SLURP1: variants seen among roughly 807,000 people sequenced by gnomAD.
SLURP1 encodes secreted Ly-6/uPAR-related protein 1.
SLURP1 carries 2 observed loss-of-function variants against 7.9 expected under a neutral mutation model. That is an observed-to-expected ratio of 0.25 (90% CI 0.10 to 0.79). SLURP1 has a LOEUF of 0.79. Among genes scored for constraint, SLURP1 ranks in the 30% least tolerant of loss-of-function variants. The pLI, the probability that SLURP1 is intolerant of heterozygous loss-of-function variation, is 0.69. For missense variants in SLURP1, 111 were observed against 139.8 expected (o/e 0.79, Z 1.04); for synonymous variants, 59 against 54.9 (o/e 1.07, Z -0.33).
Position 142,741,712 on chromosome 8 carries a change from G to A in SLURP1, c.178+91C>T. On this transcript the variant is annotated intron_variant, in intron 2 of 2. Transcript: ENST00000246515. This position sits in a 1 kb window ranked among gnomAD's most constrained non-coding sequence, Gnocchi z 4.3. ...GCCCATCCCACCTGCTGCCTTTTGG[G>A]CCGGGAGGAGCACCAGCAAAGGAGG... 1.9e-6 allele frequency: 3 copies of A among 1,588,326 alleles called. No homozygotes were observed. The highest frequency in any genetic ancestry group is 2.6e-6 in the Non-Finnish European group (3 of 1,172,310).
rs891113243 is a variant in SLURP1, at chr8:142,741,670, G to T, written c.178+133C>A. On this transcript the variant is annotated intron_variant, in intron 2 of 2. Transcript: ENST00000246515. This position sits in a 1 kb window ranked among gnomAD's most constrained non-coding sequence, Gnocchi z 4.3. ...CCTCGTGGAAGGCACCCCTGCCAAG[G>T]TGTGGCAGCCTGTTCTGCCCATCCC... 2.8e-6 allele frequency: 4 copies of T among 1,422,482 alleles called. No individual in the cohort carries two copies. The Admixed American group carries it at 5.5e-5, about 20-fold the overall frequency. The allele number at this position is 1,422,482 out of a possible 1,614,324, so 88.1% of individuals were successfully genotyped here. A position where few individuals can be genotyped will look rare whatever the true frequency, so the allele number is the denominator to read the frequency against.
In SLURP1 at chr8:142,741,368, T is replaced by G; in HGVS notation, c.179-92A>C. Reference sequence around the variant, plus strand: ...CAGCCGCCGTCGCCTGACCTCACCCTCCCTGTGATCCCTGTTCCCAATAGT... The same window carrying G: ...CAGCCGCCGTCGCCTGACCTCACCCGCCCTGTGATCCCTGTTCCCAATAGT... On this transcript the variant is annotated intron_variant, in intron 2 of 2. Coordinates refer to ENST00000246515, the MANE Select transcript of SLURP1 (RefSeq NM_020427.3). The surrounding 1 kb of genome is among the most constrained non-coding windows in gnomAD (Gnocchi z 4.3). 1 of 1,465,254 alleles carries G rather than the reference T, an allele frequency of 6.8e-7. No homozygotes were observed. 90.8% of individuals were successfully genotyped at this position (1,465,254 alleles called of 1,614,324 possible).
chr8:142,742,266 C>T, intron 1 of SLURP1, 62 bp downstream of exon 1: 1 of 1,549,586 alleles, frequency 6.5e-7, no homozygotes, highest in Non-Finnish European at 8.9e-7. Flanking sequence ...CAGCCCCATC[C>T]CCCTAGGAGG....
intron 1 of SLURP1, 52 bp downstream of exon 1, chr8:142,742,276 G>T: frequency 6.3e-7 from 1 of 1,580,322 alleles, no homozygotes; most frequent in Non-Finnish European, 8.7e-7. Flanking sequence ...CCCCTAGGAG[G>T]TGGGCAGACA....
Position 142,741,662 on chromosome 8 carries a change from C to T in SLURP1, c.178+141G>A. 7.2e-7 allele frequency: 1 copy of T among 1,387,516 alleles called. No homozygotes were observed. The highest frequency in any genetic ancestry group is 9.9e-7 in the Non-Finnish European group (1 of 1,006,418). 86.0% of individuals were successfully genotyped at this position (1,387,516 alleles called of 1,614,324 possible). A position where few individuals can be genotyped will look rare whatever the true frequency, so the allele number is the denominator to read the frequency against. ...TGTGCCACCCTCGTGGAAGGCACCC[C>T]TGCCAAGGTGTGGCAGCCTGTTCTG... On this transcript the variant is annotated intron_variant, in intron 2 of 2. Coordinates refer to ENST00000246515, the MANE Select transcript of SLURP1 (RefSeq NM_020427.3). This position sits in a 1 kb window ranked among gnomAD's most constrained non-coding sequence, Gnocchi z 4.3.
rs1587590177 is a variant in SLURP1, at chr8:142,741,787, T to C, written c.178+16A>G. The C allele has an allele frequency of 6.2e-7, 1 of 1,609,528 alleles. No homozygotes were observed. The highest frequency in any genetic ancestry group is 8.5e-7 in the Non-Finnish European group (1 of 1,179,910). Reference sequence around the variant, plus strand: ...GACTCCAGTGCACCCAGGGCTGCCGTGGGGCCTGGCCTCACCTGCCTCCAC... The same window carrying C: ...GACTCCAGTGCACCCAGGGCTGCCGCGGGGCCTGGCCTCACCTGCCTCCAC... On this transcript the variant is annotated intron_variant, in intron 2 of 2. Coordinates refer to ENST00000246515, the MANE Select transcript of SLURP1 (RefSeq NM_020427.3). This position sits in a 1 kb window ranked among gnomAD's most constrained non-coding sequence, Gnocchi z 4.3.
intron 1 of SLURP1, 105 bp from the exon 2 acceptor site, chr8:142,742,027 C>T (rs1815879883): frequency 1.3e-6 from 2 of 1,549,698 alleles, no homozygotes; most frequent in Non-Finnish European, 8.7e-7. Context: ...TTTCAAGGCC[C>T]CGGGCAGCCC....
At position 142,741,302 on chromosome 8, in the gene SLURP1, C is replaced by T. The variant is rs1563825761; in HGVS notation, c.179-26G>A. On this transcript the variant is annotated intron_variant, in intron 2 of 2. Coordinates refer to ENST00000246515, the MANE Select transcript of SLURP1 (RefSeq NM_020427.3). This position sits in a 1 kb window ranked among gnomAD's most constrained non-coding sequence, Gnocchi z 4.3. ...CTGCAGGGTGGGCCAGTGTCAGAAC[C>T]CTCACTCCCCTGCAGCGCCTGCCTG... The T allele has an allele frequency of 2.6e-6, 4 of 1,563,396 alleles. No individual in the cohort carries two copies. The highest frequency in any genetic ancestry group is 2.3e-5 in the South Asian group (2 of 86,652).
chr8:142,742,331 A>G lies in SLURP1; in HGVS notation c.55T>C (p.Cys19Arg). ...CACCAGCCTGCGGCCCACTCACCAC[A>G]GCCCATGCTCCAGGCTGCCACGAGC... Reference protein sequence around the residue: ...LLLVAAWSMGCGEALKCYTCK... With the variant: ...LLLVAAWSMGRGEALKCYTCK... The change falls in exon 1 of 3, where the codon TGT (cysteine) becomes CGT (arginine). Residue 19 changes from cysteine to arginine, a missense_variant. By Grantham distance (180) the Cys-to-Arg change is radical. Coordinates refer to ENST00000246515, the MANE Select transcript of SLURP1 (RefSeq NM_020427.3). 2 of 1,612,940 alleles carry G rather than the reference A, an allele frequency of 1.2e-6. No homozygotes were observed.
chr8:142,742,303 C>A, intron 1 of SLURP1, 25 bp downstream of exon 1: 1 of 1,611,118 alleles, frequency 6.2e-7, no homozygotes, highest in Non-Finnish European at 8.5e-7. Context: ...GAGGCAGGGT[C>A]CCCACCAGCC....
rs148175305 is a variant in SLURP1 at position 142,741,007 on chromosome 8, G to A, written c.*136C>T. On this transcript the variant is annotated 3_prime_UTR_variant, in exon 3 of 3. Coordinates refer to ENST00000246515, the MANE Select transcript of SLURP1 (RefSeq NM_020427.3). This position sits in a 1 kb window ranked among gnomAD's most constrained non-coding sequence, Gnocchi z 4.3. Reference sequence around the variant, plus strand: ...ATGGAAGGCAGAGGGCGCCCCTGGTGTGCTTCTCTCCCCTCAGACCCCATG... The same window carrying A: ...ATGGAAGGCAGAGGGCGCCCCTGGTATGCTTCTCTCCCCTCAGACCCCATG... The A allele has an allele frequency of 6.0e-4, 794 of 1,322,410 alleles. 7 individuals carry two copies. In the African/African-American group the frequency reaches 0.01, roughly 17 times the overall value. The allele number at this position is 1,322,410 out of a possible 1,614,324, so 81.9% of individuals were successfully genotyped here.
At chr8:142,742,241 A>T (rs1353660189) in intron 1 of SLURP1, 87 bp downstream of exon 1, 1 of 1,445,234 alleles carries the variant, frequency 6.9e-7, no homozygotes, top group Non-Finnish European at 9.7e-7. Context: ...GCTCTCAGCC[A>T]CAAAGCACCC....
Position 142,741,121 on chromosome 8 carries a change from C to T in SLURP1, c.*22G>A. On this transcript the variant is annotated 3_prime_UTR_variant, in exon 3 of 3. Coordinates refer to ENST00000246515, the MANE Select transcript of SLURP1 (RefSeq NM_020427.3). The surrounding 1 kb of genome is among the most constrained non-coding windows in gnomAD (Gnocchi z 4.3). The stretch of plus-strand genomic sequence containing the variant: ...CAGAGAGGAGGTGCCTGAGGAGCAC[C>T]TTCCGCCCTGCCGCCCTGGGTTCAG... The T allele has an allele frequency of 6.2e-7, 1 of 1,601,298 alleles. No homozygotes were observed. The highest frequency in any genetic ancestry group is 8.5e-7 in the Non-Finnish European group (1 of 1,179,878).
At position 142,741,891 on chromosome 8, in the gene SLURP1, C is replaced by T; in HGVS notation, c.90G>A (p.Glu30=). 1 of 1,613,024 alleles carries T rather than the reference C, an allele frequency of 6.2e-7. No individual in the cohort carries two copies. The highest frequency in any genetic ancestry group is 8.5e-7 in the Non-Finnish European group (1 of 1,179,970). ...GEALKCYTCK[E]PMTSASCRTI... Reference sequence around the variant, plus strand: ...TCCTGCAGGAAGCACTGGTCATGGGCTCCTTGCAGGTGTAGCACTTGAGGG... The same window carrying T: ...TCCTGCAGGAAGCACTGGTCATGGGTTCCTTGCAGGTGTAGCACTTGAGGG... The change falls in exon 2 of 3, where the codon GAG becomes GAA. Residue 30 remains glutamate, a synonymous_variant. Coordinates refer to ENST00000246515, the MANE Select transcript of SLURP1 (RefSeq NM_020427.3). The surrounding 1 kb of genome is among the most constrained non-coding windows in gnomAD (Gnocchi z 4.3).
At chr8:142,742,208 G>A in intron 1 of SLURP1, 120 bp downstream of exon 1, 3 of 1,142,182 alleles carry the variant, frequency 2.6e-6, no homozygotes, top group Non-Finnish European at 3.9e-6. Flanking sequence ...TGAGGAGGGT[G>A]AGCCTCATGG....
In SLURP1 at chr8:142,741,075, A is replaced by G. The variant is rs1815856112; in HGVS notation, c.*68T>C. ...CAGCAGGAAGCAGGGGGAGGTGATC[A>G]CAGGTGGAGCCAGGCCCCGTCAGAG... is the stretch of plus-strand genomic sequence containing the variant. On this transcript the variant is annotated 3_prime_UTR_variant, in exon 3 of 3. Transcript: ENST00000246515. This position sits in a 1 kb window ranked among gnomAD's most constrained non-coding sequence, Gnocchi z 4.3. 1 of 1,595,936 alleles carries G rather than the reference A, an allele frequency of 6.3e-7. No homozygotes were observed. Among genetic ancestry groups the G allele is most frequent in the African/African-American group, 1.3e-5 (1 of 74,820 alleles).
At position 142,741,196 on chromosome 8, in the gene SLURP1, C is replaced by T; in HGVS notation, c.259G>A (p.Ala87Thr). The T allele has an allele frequency of 1.2e-6, 2 of 1,609,776 alleles. No homozygotes were observed. The highest frequency in any genetic ancestry group is 1.7e-6 in the Non-Finnish European group (2 of 1,179,952). ...AAGCAGCAGAAGATCAGGTGGGCGG[C>T]CCCGATGCTGTCGGGGTCGGTGGCC... Reference protein sequence around the residue: ...CVATDPDSIGAAHLIFCCFRD... With the variant: ...CVATDPDSIGTAHLIFCCFRD... Residue 87 changes from alanine (A) to threonine (T), a missense_variant, in exon 3 of 3, where the codon GCC becomes ACC. Physicochemically the swap from Ala to Thr is moderately conservative, Grantham distance 58. Coordinates refer to ENST00000246515, the MANE Select transcript of SLURP1 (RefSeq NM_020427.3). The surrounding 1 kb of genome is among the most constrained non-coding windows in gnomAD (Gnocchi z 4.3).
In SLURP1 at chr8:142,741,905, A is replaced by G; in HGVS notation, c.76T>C (p.Tyr26His). Residue 26 changes from tyrosine to histidine, a missense_variant, in exon 2 of 3, where the codon TAC becomes CAC. Physicochemically the swap from Tyr to His is moderately conservative, Grantham distance 83 (BLOSUM62 2). Coordinates refer to ENST00000246515, the MANE Select transcript of SLURP1 (RefSeq NM_020427.3). The surrounding 1 kb of genome is among the most constrained non-coding windows in gnomAD (Gnocchi z 4.3). ...CTGGTCATGGGCTCCTTGCAGGTGT[A>G]GCACTTGAGGGCCTCACCTGGGTGA... is the stretch of plus-strand genomic sequence containing the variant. ...SMGCGEALKCYTCKEPMTSAS... is the reference protein window; with the variant it reads ...SMGCGEALKCHTCKEPMTSAS... 1 of 1,612,728 alleles carries G rather than the reference A, an allele frequency of 6.2e-7. No homozygotes were observed. Among genetic ancestry groups the G allele is most frequent in the East Asian group, 2.2e-5 (1 of 44,872 alleles).
chr8:142,741,001 C>G lies in SLURP1; in HGVS notation c.*142G>C. On this transcript the variant is annotated 3_prime_UTR_variant, in exon 3 of 3. Coordinates refer to ENST00000246515, the MANE Select transcript of SLURP1 (RefSeq NM_020427.3). The surrounding 1 kb of genome is among the most constrained non-coding windows in gnomAD (Gnocchi z 4.3). ...TGGGGTATGGAAGGCAGAGGGCGCC[C>G]CTGGTGTGCTTCTCTCCCCTCAGAC... The G allele has an allele frequency of 4.0e-6, 5 of 1,246,250 alleles. No individual in the cohort carries two copies. Among genetic ancestry groups the G allele is most frequent in the Admixed American group, 1.9e-5 (1 of 53,290 alleles). 77.2% of individuals were successfully genotyped at this position (1,246,250 alleles called of 1,614,324 possible). A position where few individuals can be genotyped will look rare whatever the true frequency, so the allele number is the denominator to read the frequency against.
Sources: allele counts gnomAD v4.1 joint callset, GRCh38; gene constraint gnomAD v4.1.1; non-coding constraint Gnocchi (gnomAD v3.1); transcripts MANE v1.5; gene names NCBI Gene and HGNC (gene_info 2026-07-23, HGNC 2026-07-21).